The following FIRRM variants were observed in gnomAD, a reference collection of about 807,000 sequenced individuals.
FIRRM encodes the protein FIGNL1 interacting regulator of recombination and mitosis.
At chr1:169,821,829 C>T in the FIRRM span, 547 of 1,019,044 alleles carry the variant, frequency 5.4e-4, 4 homozygotes, top group Middle Eastern at 3.5e-3. Flanking sequence ...ATCCCTATTC[C>T]ACAGAATAGA....
At chr1:169,834,327 T>A in the FIRRM span, among the ~76,000 whole-genome samples, 8 of 152,200 alleles carry the variant, frequency 5.3e-5, no homozygotes, top group African/African-American at 1.9e-4. Context: ...TGAATCTGCA[T>A]ACCTATTTTA....
At chr1:169,822,787 A>G in the FIRRM span, among the ~76,000 whole-genome samples, 1 of 152,114 alleles carries the variant, frequency 6.6e-6, no homozygotes, top group Non-Finnish European at 1.5e-5. Flanking sequence ...GGTGTGAGCC[A>G]CTGTGCCCGG....
the FIRRM span, chr1:169,827,046 C>T: frequency 7.5e-6 from 12 of 1,608,914 alleles, no homozygotes; most frequent in African/African-American, 1.5e-4. Flanking sequence ...TCTCTCCCTT[C>T]CCAGCAAGTT....
chr1:169,838,351 T>C, the FIRRM span, among the ~76,000 whole-genome samples: 5,637 of 152,294 alleles, frequency 0.037, 174 homozygotes, highest in South Asian at 0.1. Context: ...CCAATTTCTA[T>C]AGTAAGGACA....
At chr1:169,837,011 G>A in the FIRRM span, 1 of 1,613,892 alleles carries the variant, frequency 6.2e-7, no homozygotes, top group Non-Finnish European at 8.5e-7. Context: ...GTTACCTCCT[G>A]AGCTTAGGGA....
At chr1:169,838,848 C>A in the FIRRM span, among the ~76,000 whole-genome samples, 1 of 152,002 alleles carries the variant, frequency 6.6e-6, no homozygotes, top group African/African-American at 2.4e-5. Context: ...GGTTTTATTG[C>A]GTGATGCTGA....
At chr1:169,830,465 A>G in the FIRRM span, 1 of 989,692 alleles carries the variant, frequency 1.0e-6, no homozygotes, top group Non-Finnish European at 1.5e-6. Flanking sequence ...AATTCCCAAA[A>G]CGCTTTGATT....
At chr1:169,808,153 G>A in the FIRRM span, among the ~76,000 whole-genome samples, 1 of 151,874 alleles carries the variant, frequency 6.6e-6, no homozygotes, top group Non-Finnish European at 1.5e-5. Context: ...GGTCTGCCTG[G>A]CTCCCTCTTT....
At chr1:169,800,401 A>G in the FIRRM span, among the ~76,000 whole-genome samples, 1 of 152,158 alleles carries the variant, frequency 6.6e-6, no homozygotes, top group African/African-American at 2.4e-5. Context: ...ATTCATGTTC[A>G]TTGTGGAAAA....
At chr1:169,836,739 A>G in the FIRRM span, among the ~76,000 whole-genome samples, 1 of 152,232 alleles carries the variant, frequency 6.6e-6, no homozygotes, top group African/African-American at 2.4e-5. Context: ...TTGGAAACCA[A>G]TGCAGCATCA....
the FIRRM span, chr1:169,793,398 C>A: frequency 5.0e-6 from 8 of 1,614,186 alleles, no homozygotes; most frequent in Non-Finnish European, 6.8e-6. Flanking sequence ...TGCTCTTTGG[C>A]AGCTCTCAAG....
the FIRRM span, chr1:169,804,245 G>A: frequency 6.8e-7 from 1 of 1,474,020 alleles, no homozygotes; most frequent in South Asian, 1.5e-5. Context: ...TAATAGGTGA[G>A]TGAAGAAAAC....
chr1:169,800,632 A>G, the FIRRM span, among the ~76,000 whole-genome samples: 2 of 151,400 alleles, frequency 1.3e-5, no homozygotes, highest in Non-Finnish European at 2.9e-5. Flanking sequence ...CATTTTAATG[A>G]TGGCAGATCC....
chr1:169,853,034 A>G, the FIRRM span: 1 of 1,575,228 alleles, frequency 6.3e-7, no homozygotes. Context: ...TCAACTGAAA[A>G]TACTTATGTC....
the FIRRM span, chr1:169,850,549 G>A: frequency 2.3e-6 from 1 of 444,326 alleles, no homozygotes; most frequent in South Asian, 3.0e-5. Context: ...TGTAATCCCA[G>A]CACTTTGGGA....
the FIRRM span, chr1:169,794,955 T>A: frequency 3.1e-6 from 2 of 636,902 alleles, no homozygotes; most frequent in Non-Finnish European, 5.5e-6. Flanking sequence ...CTTTCCGGCC[T>A]TGAGGGACCC....
the FIRRM span, chr1:169,807,970 T>C: frequency 7.4e-5 from 116 of 1,577,404 alleles, no homozygotes; most frequent in Admixed American, 2.6e-4. Context: ...GCAACTCTTA[T>C]TTTCTTTGGC....
the FIRRM span, among the ~76,000 whole-genome samples, chr1:169,811,720 AT>A: frequency 2.0e-5 from 3 of 150,216 alleles, no homozygotes; most frequent in Admixed American, 6.6e-5. Context: ...TAATAGACAG[AT>A]TATCTAAATA....
At chr1:169,828,807 A>G in the FIRRM span, among the ~76,000 whole-genome samples, 5 of 152,184 alleles carry the variant, frequency 3.3e-5, no homozygotes, top group Non-Finnish European at 7.3e-5. Flanking sequence ...CGGCCTCCCA[A>G]AATGCTGGGA....
Sources: gnomAD v4.1 joint callset for allele counts (sites outside exome capture counted in the v4.1 genomes callset) on GRCh38, gnomAD v4.1.1 for gene constraint, MANE v1.5 for transcripts, NCBI Gene and HGNC (gene_info 2026-07-23, HGNC 2026-07-21) for gene names.